SF3B1: variants seen among roughly 807,000 people sequenced by gnomAD.
SF3B1 encodes the protein splicing factor 3b subunit 1.
Under a neutral mutation model 153.8 loss-of-function variants are expected in SF3B1, and 12 were observed. That is an observed-to-expected ratio of 0.08 (90% CI 0.05 to 0.13). SF3B1 has a LOEUF of 0.13. SF3B1 is among the 10% of genes least tolerant of loss of function. SF3B1 has a pLI of 1.00. For missense variants in SF3B1, 513 were observed against 1,606.1 expected, an observed-to-expected ratio of 0.32 and a Z score of 11.63; for synonymous variants, 498 against 525.2, an observed-to-expected ratio of 0.95 and a Z score of 0.71.
At position 197,409,817 on chromosome 2, in the gene SF3B1, G is replaced by A. The variant is rs2085042104; in HGVS notation, c.857C>T (p.Ser286Phe). ...HATPGHGGAT[S>F]SARKNRWDET... ...ATCCCATCTGTTTTTACGAGCACTG[G>A]AAGTTGCGCCTCCATGGCCTGGTGT... Residue 286 changes from serine (S) to phenylalanine (F), a missense_variant, in exon 7 of 25, where the codon TCC (serine) becomes TTC (phenylalanine). Physicochemically the swap from Ser to Phe is radical, Grantham distance 155 (BLOSUM62 -2). Around this residue, in one of 21 missense-constraint regions of SF3B1, gnomAD observed 91 missense variants for 157.4 expected, o/e 0.58. Coordinates refer to ENST00000335508, the MANE Select transcript of SF3B1 (RefSeq NM_012433.4). 2 of 1,613,914 alleles carry A rather than the reference G, an allele frequency of 1.2e-6. No individual in the cohort carries two copies. The highest frequency in any genetic ancestry group is 1.7e-5 in the Admixed American group (1 of 59,978).
intron 23 of SF3B1, 138 bp from the exon 24 acceptor site, chr2:197,393,326 A>C: frequency 1.6e-6 from 1 of 644,744 alleles, no homozygotes; most frequent in East Asian, 2.7e-5. Flanking sequence ...AGTGCACTGA[A>C]TAGATGTGAA....
chr2:197,407,606 TAAAAAAAAA>T (rs143335876), intron 9 of SF3B1, among the ~76,000 whole-genome samples: 1 of 132,428 alleles, frequency 7.6e-6, no homozygotes, highest in Non-Finnish European at 1.6e-5. Context: ...CTCCATCTTT[TAAAAAAAAA>T]AAAAAAAAAA....
chr2:197,419,447 G>C (rs1233994191), intron 4 of SF3B1: 1 of 219,588 alleles, frequency 4.6e-6, no homozygotes, highest in Non-Finnish European at 9.1e-6. Flanking sequence ...AAGTAGTATA[G>C]CATCACAATT....
In SF3B1 at chr2:197,415,083, G is replaced by T. The variant is rs1482590333; in HGVS notation, c.666+1658C>A. 2.2e-4 allele frequency among the ~76,000 whole-genome samples: 33 copies of T among 151,046 alleles called. 1 individual carries two copies. In the Admixed American group the frequency reaches 2.2e-3, roughly 10 times the overall value. On this transcript the variant is annotated intron_variant, in intron 6 of 24. Transcript: ENST00000335508. Reference sequence around the variant, plus strand: ...TGTAGCTGAATGCGGATGTGAATGGGGTTAAGAGATGTTTTCTGCAGGTTT... The same window carrying T: ...TGTAGCTGAATGCGGATGTGAATGGTGTTAAGAGATGTTTTCTGCAGGTTT...
intron 1 of SF3B1, among the ~76,000 whole-genome samples, chr2:197,430,227 T>C (rs1342061581): frequency 6.6e-6 from 1 of 152,214 alleles, no homozygotes; most frequent in Non-Finnish European, 1.5e-5. Flanking sequence ...CTAGATATTT[T>C]ATTATTTTAA....
At position 197,401,603 on chromosome 2, in the gene SF3B1, T is replaced by G. The variant is rs565158732; in HGVS notation, c.2371-78A>C. ...ATACTCATTGCTGATTACGTGATTT[T>G]AAAAAATAAAATTTAAAAACAAATC... On this transcript the variant is annotated intron_variant, in intron 16 of 24. Transcript: ENST00000335508. The surrounding 1 kb of genome is among the most constrained non-coding windows in gnomAD (Gnocchi z 4.2). 3 of 1,508,246 alleles carry G rather than the reference T, an allele frequency of 2.0e-6. No homozygotes were observed. In the African/African-American group the frequency reaches 4.2e-5, roughly 21 times the overall value. The allele number at this position is 1,508,246 out of a possible 1,614,324, so 93.4% of individuals were successfully genotyped here.
chr2:197,395,471 G>A (rs916955353), intron 23 of SF3B1, among the ~76,000 whole-genome samples: 16 of 152,160 alleles, frequency 1.1e-4, no homozygotes, highest in African/African-American at 3.4e-4. Flanking sequence ...CCCTTACTAC[G>A]CTTGCACTTT....
Position 197,408,398 on chromosome 2 carries a change from G to A in SF3B1, c.1088C>T (p.Pro363Leu), listed in dbSNP as rs774487329. 2 of 1,614,138 alleles carry A rather than the reference G, an allele frequency of 1.2e-6. No homozygotes were observed. The highest frequency in any genetic ancestry group is 1.7e-5 in the Admixed American group (1 of 60,004). ...LTPGKTPIGT[P>L]AMNMATPTPG... The stretch of plus-strand genomic sequence containing the variant: ...AGTAGGGGTAGCCATGTTCATGGCT[G>A]GTGTGCCAATTGGTGTCTTTCCAGG... The change falls in exon 8 of 25, where the codon CCA (proline) becomes CTA (leucine). Residue 363 changes from proline to leucine, a missense_variant. This residue lies in a region of SF3B1 where 91 missense variants were observed against 157.4 expected (regional missense o/e 0.58). Coordinates refer to ENST00000335508, the MANE Select transcript of SF3B1 (RefSeq NM_012433.4).
chr2:197,400,248 T>A lies in SF3B1; in HGVS notation c.2901+4A>T. On this transcript the variant is annotated splice_donor_region_variant and intron_variant, in intron 19 of 24. Coordinates refer to ENST00000335508, the MANE Select transcript of SF3B1 (RefSeq NM_012433.4). The surrounding 1 kb of genome is among the most constrained non-coding windows in gnomAD (Gnocchi z 5.0). ...AGAAGTAAGAATTTGATGCAAAAGT[T>A]TACCTCTTGACAAGTCTTCATGACA... 1 of 1,613,442 alleles carries A rather than the reference T, an allele frequency of 6.2e-7. No individual in the cohort carries two copies. The highest frequency in any genetic ancestry group is 8.5e-7 in the Non-Finnish European group (1 of 1,179,536).
intron 23 of SF3B1, among the ~76,000 whole-genome samples, chr2:197,395,009 T>C (rs2084859715): frequency 6.6e-6 from 1 of 152,202 alleles, no homozygotes; most frequent in Admixed American, 6.5e-5. Context: ...TTGTTTTTCC[T>C]ATTTATTTTA....
Position 197,398,159 on chromosome 2 carries a change from A to G in SF3B1, c.3135-43T>C, listed in dbSNP as rs559939267. ...CATATTAATTATTGTGACATTAAGA[A>G]AAGTTTTAAGGATAAATTTGCAAAT... On this transcript the variant is annotated intron_variant, in intron 21 of 24. Coordinates refer to ENST00000335508, the MANE Select transcript of SF3B1 (RefSeq NM_012433.4). The G allele has an allele frequency of 5.6e-5, 85 of 1,526,798 alleles. No individual in the cohort carries two copies. In the Admixed American group the frequency reaches 1.3e-3, roughly 24 times the overall value. The allele number at this position is 1,526,798 out of a possible 1,614,324, so 94.6% of individuals were successfully genotyped here.
At chr2:197,407,602 C>CT (rs1177257445) in intron 9 of SF3B1, among the ~76,000 whole-genome samples, 2 of 132,712 alleles carry the variant, frequency 1.5e-5, no homozygotes, top group Non-Finnish European at 1.6e-5. Context: ...GAGACTCCAT[C>CT]TTTTAAAAAA....
chr2:197,408,290 A>G (rs992384696), intron 8 of SF3B1, 79 bp downstream of exon 8: 9 of 1,396,992 alleles, frequency 6.4e-6, no homozygotes, highest in Admixed American at 2.0e-5. Context: ...TGACATTAAT[A>G]GTACACAGAA....
At chr2:197,434,177 C>A (rs61234152) in intron 1 of SF3B1, among the ~76,000 whole-genome samples, 3,450 of 152,246 alleles carry the variant, frequency 0.023, 122 homozygotes, top group African/African-American at 0.08. Flanking sequence ...GAATGCAGTT[C>A]CAACTTCTCA....
chr2:197,411,284 T>C (rs899885667), intron 6 of SF3B1, among the ~76,000 whole-genome samples: 7 of 152,192 alleles, frequency 4.6e-5, no homozygotes, highest in Non-Finnish European at 7.3e-5. Flanking sequence ...CAAAGTAGCA[T>C]AGAGTTGAGT....
At position 197,410,016 on chromosome 2, in the gene SF3B1, A is replaced by G. The variant is rs1367106395; in HGVS notation, c.667-9T>C. On this transcript the variant is annotated splice_polypyrimidine_tract_variant and intron_variant, in intron 6 of 24. Coordinates refer to ENST00000335508, the MANE Select transcript of SF3B1 (RefSeq NM_012433.4). ...GGAGTATGCCCAGGGGTCTTAAAAA[A>G]GCAAAAAAATTTTATTTCACACACC... 1.3e-6 allele frequency: 2 copies of G among 1,580,908 alleles called. No individual in the cohort carries two copies. Among genetic ancestry groups the G allele is most frequent in the Non-Finnish European group, 1.7e-6 (2 of 1,161,658 alleles).
chr2:197,400,951 A>G lies in SF3B1; in HGVS notation c.2497-15T>C. 6.5e-7 allele frequency: 1 copy of G among 1,540,572 alleles called. No individual in the cohort carries two copies. The highest frequency in any genetic ancestry group is 1.1e-5 in the South Asian group (1 of 87,078). Reference sequence around the variant, plus strand: ...GTATCAACTAACTAAAAAGAACAGAAAAACAAAAAACCTTTTAGACTGCTT... The same window carrying G: ...GTATCAACTAACTAAAAAGAACAGAGAAACAAAAAACCTTTTAGACTGCTT... On this transcript the variant is annotated splice_polypyrimidine_tract_variant and intron_variant, in intron 17 of 24. Transcript: ENST00000335508. This position sits in a 1 kb window ranked among gnomAD's most constrained non-coding sequence, Gnocchi z 5.0.
At position 197,392,423 on chromosome 2, in the gene SF3B1, A is replaced by G; in HGVS notation, c.3795T>C (p.Tyr1265=). 3.7e-6 allele frequency: 6 copies of G among 1,611,988 alleles called. No individual in the cohort carries two copies. The highest frequency in any genetic ancestry group is 4.2e-6 in the Non-Finnish European group (5 of 1,178,456). ...FHPARKVRDV[Y]WKIYNSIYIG... is the part of the protein sequence containing the mutation. The stretch of plus-strand genomic sequence containing the variant: ...TGTAGATGGAGTTGTAAATTTTCCA[A>G]TATACATCTCTGACTTTCCGGGCTG... The change falls in exon 25 of 25, where the codon TAT becomes TAC. Residue 1265 remains tyrosine, a synonymous_variant. Transcript: ENST00000335508.
Position 197,408,491 on chromosome 2 carries a change from C to T in SF3B1, c.995G>A (p.Ser332Asn), listed in dbSNP as rs749887399. 5 of 1,613,950 alleles carry T rather than the reference C, an allele frequency of 3.1e-6. No individual in the cohort carries two copies. The South Asian group carries it at 3.3e-5, about 11-fold the overall frequency. Reference sequence around the variant, plus strand: ...TTCATCCCACCGTGATTTTCTTTTACTGGCTCCAGGAGTCGGTGTTTCACC... The same window carrying T: ...TTCATCCCACCGTGATTTTCTTTTATTGGCTCCAGGAGTCGGTGTTTCACC... ...SIGETPTPGA[S>N]KRKSRWDETP... The change falls in exon 8 of 25, where the codon AGT (serine) becomes AAT (asparagine). Residue 332 changes from serine to asparagine, a missense_variant. Physicochemically the swap from Ser to Asn is conservative, Grantham distance 46. Coordinates refer to ENST00000335508, the MANE Select transcript of SF3B1 (RefSeq NM_012433.4).
Sources: gnomAD v4.1 joint callset for allele counts (sites outside exome capture counted in the v4.1 genomes callset) on GRCh38, gnomAD v4.1.1 for gene constraint, gnomAD v4.1.1 regional missense constraint, Gnocchi (gnomAD v3.1) non-coding constraint, MANE v1.5 for transcripts, NCBI Gene and HGNC (gene_info 2026-07-23, HGNC 2026-07-21) for gene names.